The following PDGFRB variants were observed in gnomAD, a reference collection of about 807,000 sequenced individuals.
PDGFRB encodes the protein platelet derived growth factor receptor beta.
PDGFRB carries 42 observed loss-of-function variants against 120.2 expected under a neutral mutation model. The ratio of observed to expected loss-of-function variants is 0.35; its 90% confidence interval spans 0.27 to 0.45. The LOEUF (loss-of-function observed/expected upper bound fraction) is 0.45, where lower values mean the gene tolerates loss of function less well. Among genes scored for constraint, PDGFRB ranks in the 20% least tolerant of loss-of-function variants. The pLI, the probability that PDGFRB is intolerant of heterozygous loss-of-function variation, is 1.00. For synonymous variants in PDGFRB, 586 were observed against 606.8 expected (o/e 0.97, Z 0.50); for missense variants, 1,149 against 1,476.3 (o/e 0.78, Z 3.63).
intron 2 of PDGFRB, among the ~76,000 whole-genome samples, chr5:150,136,371 G>A (rs1760632485): frequency 6.6e-6 from 1 of 152,140 alleles, no homozygotes; most frequent in South Asian, 2.1e-4. Flanking sequence ...GCCCTTTTGG[G>A]CTGGAGGGAA....
chr5:150,139,920 C>T (rs1173126436), intron 1 of PDGFRB, among the ~76,000 whole-genome samples: 3 of 150,928 alleles, frequency 2.0e-5, no homozygotes, highest in Non-Finnish European at 4.4e-5. Context: ...GCGGAGGTTG[C>T]AGTGAGCTGA....
Position 150,132,932 on chromosome 5 carries a change from G to T in PDGFRB, c.945C>A (p.Tyr315Ter). ...AINITVVESGYVRLLGEVGTL... is the reference protein window; with the variant it reads ...AINITVVESG ...TGCCCACCTCTCCCAGGAGCCGCACGTAGCCGCTCTCTGCAAGGGGTGACC... is the reference window on the plus strand; with the variant it reads ...TGCCCACCTCTCCCAGGAGCCGCACTTAGCCGCTCTCTGCAAGGGGTGACC... Residue 315 changes from tyrosine to a stop codon, truncating the protein, a stop_gained, in exon 7 of 23, where the codon TAC (tyrosine) becomes TAA (stop). Transcript: ENST00000261799. LOFTEE classifies it high-confidence loss of function. The surrounding 1 kb of genome is among the most constrained non-coding windows in gnomAD (Gnocchi z 5.0). The T allele has an allele frequency of 3.2e-6, 5 of 1,560,278 alleles. No individual in the cohort carries two copies. The highest frequency in any genetic ancestry group is 4.3e-6 in the Non-Finnish European group (5 of 1,153,024).
intron 1 of PDGFRB, among the ~76,000 whole-genome samples, chr5:150,145,407 G>A (rs561564220): frequency 6.6e-6 from 1 of 152,310 alleles, no homozygotes; most frequent in East Asian, 1.9e-4. Flanking sequence ...GCTGTCCCCA[G>A]CCCCCTCATT....
At chr5:150,136,930 G>C (rs2113914338) in intron 2 of PDGFRB, 78 bp downstream of exon 2, 1 of 1,104,060 alleles carries the variant, frequency 9.1e-7, no homozygotes, top group Non-Finnish European at 1.4e-6. Flanking sequence ...CCTGCCACCA[G>C]CACACATCAC....
intron 10 of PDGFRB, 35 bp downstream of exon 10, chr5:150,129,722 G>C: frequency 6.5e-7 from 1 of 1,546,492 alleles, no homozygotes; most frequent in Non-Finnish European, 8.9e-7. Flanking sequence ...GGTAGGGATT[G>C]GGATCGTCAG....
rs1760502053 is a variant in PDGFRB, at chr5:150,132,736, A to G, written c.1127+14T>C. On this transcript the variant is annotated intron_variant, in intron 7 of 22. Coordinates refer to ENST00000261799, the MANE Select transcript of PDGFRB (RefSeq NM_002609.4). The surrounding 1 kb of genome is among the most constrained non-coding windows in gnomAD (Gnocchi z 5.0). ...AATAACTTCAAGAATGGGATGGGAG[A>G]GCGAGCTGCTCACCGGGTCTCCGAC... 1 of 1,607,100 alleles carries G rather than the reference A, an allele frequency of 6.2e-7. No individual in the cohort carries two copies. The highest frequency in any genetic ancestry group is 8.5e-7 in the Non-Finnish European group (1 of 1,175,730).
Position 150,124,278 on chromosome 5 carries a change from G to A in PDGFRB, c.1995C>T (p.Val665=). The A allele has an allele frequency of 6.2e-7, 1 of 1,613,820 alleles. No homozygotes were observed. Among genetic ancestry groups the A allele is most frequent in the East Asian group, 2.2e-5 (1 of 44,878 alleles). The change falls in exon 14 of 23, where the codon GTC becomes GTT. Residue 665 remains valine, a synonymous_variant. Coordinates refer to ENST00000261799, the MANE Select transcript of PDGFRB (RefSeq NM_002609.4). The stretch of plus-strand genomic sequence containing the variant: ...CTTTGGTGCAGGCCCCCAACAGGTT[G>A]ACCACGTTCAGGTGGGGCCCAAGGT... ...MSHLGPHLNV[V]NLLGACTKGG... is the part of the protein sequence containing the mutation.
At chr5:150,154,080 A>C (rs181838228) in intron 1 of PDGFRB, 1 of 152,128 alleles carries the variant, frequency 6.6e-6, no homozygotes, top group Non-Finnish European at 1.5e-5. Context: ...ACAGATCACC[A>C]ACAGGGGAGG....
chr5:150,135,507 A>C, intron 3 of PDGFRB, 48 bp downstream of exon 3: 1 of 1,159,944 alleles, frequency 8.6e-7, no homozygotes, highest in Non-Finnish European at 1.3e-6. Context: ...TGATGCCTCC[A>C]GTTGACAAGA....
chr5:150,154,393 T>G (rs11167496), intron 1 of PDGFRB, among the ~76,000 whole-genome samples: 23,462 of 152,192 alleles, frequency 0.15, 2,306 homozygotes, highest in Middle Eastern at 0.28. Context: ...GCTACAGTTA[T>G]GTGGCTGCGT....
chr5:150,129,986 A>G lies in PDGFRB; in HGVS notation c.1368-18T>C. ...GTGGACACCTGCCAGGAGAGCCGGT[A>G]GGGTTGGCTGCCAGCCCCTTCCCCT... On this transcript the variant is annotated intron_variant, in intron 9 of 22. Transcript: ENST00000261799. The G allele has an allele frequency of 6.2e-7, 1 of 1,604,808 alleles. No individual in the cohort carries two copies. The highest frequency in any genetic ancestry group is 8.5e-7 in the Non-Finnish European group (1 of 1,172,744).
At chr5:150,141,017 T>C (rs11167495) in intron 1 of PDGFRB, among the ~76,000 whole-genome samples, 35,732 of 152,076 alleles carry the variant, frequency 0.23, 4,475 homozygotes, top group African/African-American at 0.29. Flanking sequence ...CGGGGGTTGA[T>C]GGGGGGAGCC....
chr5:150,144,604 C>T (rs1760869715), intron 1 of PDGFRB, among the ~76,000 whole-genome samples: 1 of 152,270 alleles, frequency 6.6e-6, no homozygotes, highest in Non-Finnish European at 1.5e-5. Context: ...ACCCCCTCAC[C>T]CGTCAGAGTG....
chr5:150,117,148 T>C (rs1164829890), intron 22 of PDGFRB, among the ~76,000 whole-genome samples: 2 of 152,212 alleles, frequency 1.3e-5, no homozygotes, highest in African/African-American at 4.8e-5. Context: ...CTGAATTCTG[T>C]CCTGAATTCC....
chr5:150,117,678 G>A lies in PDGFRB; in HGVS notation c.3077C>T (p.Pro1026Leu). The A allele has an allele frequency of 6.2e-7, 1 of 1,613,996 alleles. No homozygotes were observed. Among genetic ancestry groups the A allele is most frequent in the South Asian group, 1.1e-5 (1 of 91,080 alleles). The stretch of plus-strand genomic sequence containing the variant: ...GTCAGCAACCTCGGGTTTGGGGTCA[G>A]GCAGGGGGATGATATAGTCGTTGTC... ...EGDNDYIIPL[P>L]DPKPEVADEG... Residue 1026 changes from proline (P) to leucine (L), a missense_variant, in exon 22 of 23, where the codon CCT (proline) becomes CTT (leucine). Pro to Leu is a moderately conservative substitution (Grantham distance 98, BLOSUM62 -3). Transcript: ENST00000261799.
At chr5:150,155,245 C>T (rs57525113) in intron 1 of PDGFRB, among the ~76,000 whole-genome samples, 152 bp downstream of exon 1, 4,817 of 151,756 alleles carry the variant, frequency 0.032, 278 homozygotes, top group African/African-American at 0.11. Context: ...TCCCTGACAT[C>T]ACCCACAGTC....
chr5:150,134,199 C>G (rs1484896033), intron 4 of PDGFRB, 191 bp from the exon 5 acceptor site: 2 of 603,058 alleles, frequency 3.3e-6, no homozygotes, highest in Middle Eastern at 8.6e-4. Context: ...CAGTAGTGAA[C>G]AAAGTGGACA....
In PDGFRB at chr5:150,155,640, A is replaced by G. The variant is rs1761210352; in HGVS notation, c.-250T>C. On this transcript the variant is annotated 5_prime_UTR_variant, in exon 1 of 23. Transcript: ENST00000261799. ...CGGCCCAGCTTCGCCTCACTCCCCA[A>G]GCATCCTTCGGGAGGAGCAGAGCCG... is the stretch of plus-strand genomic sequence containing the variant. The G allele has an allele frequency of 1.3e-5, 5 of 398,784 alleles. No individual in the cohort carries two copies. Among genetic ancestry groups the G allele is most frequent in the Non-Finnish European group, 2.2e-5 (5 of 226,204 alleles). 24.7% of individuals were successfully genotyped at this position (398,784 alleles called of 1,614,324 possible).
At chr5:150,137,089 G>A (rs1157130239) in intron 1 of PDGFRB, 36 bp from the exon 2 acceptor site, 1 of 1,592,936 alleles carries the variant, frequency 6.3e-7, no homozygotes, top group South Asian at 1.1e-5. Flanking sequence ...CCCAGGGCAG[G>A]TGGAGGCAGC....
Sources: gnomAD v4.1 joint callset for allele counts (sites outside exome capture counted in the v4.1 genomes callset) on GRCh38, gnomAD v4.1.1 for gene constraint, Gnocchi (gnomAD v3.1) non-coding constraint, MANE v1.5 for transcripts, NCBI Gene and HGNC (gene_info 2026-07-23, HGNC 2026-07-21) for gene names.